Variants in ITIH5 observed in about 807,000 individuals in gnomAD.
The protein encoded by ITIH5 is inter-alpha-trypsin inhibitor heavy chain 5, also known as inter-alpha-trypsin inhibitor heavy chain H5.
A neutral mutation model predicts 77.5 loss-of-function variants in ITIH5; 65 were observed. The observed-to-expected ratio is 0.84, with a 90% CI of 0.69 to 1.03. The LOEUF is 1.03. ITIH5 is among the 50% of genes least tolerant of loss of function. The pLI is 0.00. For missense variants in ITIH5, 1,208 were observed against 1,213.1 expected (o/e 1.00, Z 0.06); for synonymous variants, 525 against 494.3 (o/e 1.06, Z -0.82).
At chr10:7,611,267 A>T (rs955200380) in intron 7 of ITIH5, among the ~76,000 whole-genome samples, 1 of 152,288 alleles carries the variant, frequency 6.6e-6, no homozygotes, top group Non-Finnish European at 1.5e-5. Flanking sequence ...TTTAAAGATT[A>T]AAGATTCTTG....
rs1182844323 is a variant in ITIH5 at position 7,563,339 on chromosome 10, C to A, written c.2573G>T (p.Gly858Val). ...AGGGTGAGTGAGGTTCTGGCTGGGC[C>A]CTGCAGGGTCTTCTGTGAGTCTGGC... ...QDARLTEDPA[G>V]PSQNLTHPLL... Residue 858 changes from glycine to valine, a missense_variant, in exon 14 of 14, where the codon GGG (glycine) becomes GTG (valine). Coordinates refer to ENST00000397146, the MANE Select transcript of ITIH5 (RefSeq NM_030569.7). The A allele has an allele frequency of 3.7e-6, 6 of 1,613,962 alleles. No homozygotes were observed. The highest frequency in any genetic ancestry group is 5.1e-6 in the Non-Finnish European group (6 of 1,179,964).
intron 13 of ITIH5, among the ~76,000 whole-genome samples, chr10:7,564,812 TACAC>T (rs956737809): frequency 4.6e-5 from 7 of 150,972 alleles, no homozygotes; most frequent in African/African-American, 1.5e-4. Context: ...TGTGTATATA[TACAC>T]ACACACACCA....
intron 5 of ITIH5, 71 bp downstream of exon 5, chr10:7,637,157 T>G (rs1833811041): frequency 6.5e-7 from 1 of 1,537,488 alleles, no homozygotes; most frequent in Non-Finnish European, 8.7e-7. Context: ...CTCTTGCAGA[T>G]TTCTCCGAAG....
chr10:7,627,509 A>C (rs1397024652), intron 5 of ITIH5, among the ~76,000 whole-genome samples: 1 of 152,118 alleles, frequency 6.6e-6, no homozygotes, highest in Admixed American at 6.5e-5. Context: ...CTTCCAAATA[A>C]AAGGTCATAA....
intron 7 of ITIH5, among the ~76,000 whole-genome samples, chr10:7,600,738 T>C (rs867964877): frequency 1.5e-4 from 23 of 152,178 alleles, no homozygotes; most frequent in South Asian, 4.1e-4. Flanking sequence ...TCCCAGGAGA[T>C]GGGGACTTTA....
Position 7,563,046 on chromosome 10 carries a change from TGTCCTTCATGCACTTGCATCTTTAA to T in ITIH5, c.*12_*36del. ...CTGCCCCACGGCCTCCCCACATCACTGTCCTTCATGCACTTGCATCTTTAAGGCTGCCAGCTTCAGAGCTCCCTGG... is the reference window on the plus strand; with the variant it reads ...CTGCCCCACGGCCTCCCCACATCACTGGCTGCCAGCTTCAGAGCTCCCTGG... On this transcript the variant is annotated 3_prime_UTR_variant, in exon 14 of 14. Transcript: ENST00000397146. 6.3e-7 allele frequency: 1 copy of T among 1,594,394 alleles called. No individual in the cohort carries two copies. The highest frequency in any genetic ancestry group is 8.6e-7 in the Non-Finnish European group (1 of 1,161,918).
rs1439043492 is a variant in ITIH5, at chr10:7,639,525, T to A, written c.401+1229A>T. Among the ~76,000 whole-genome samples the A allele has an allele frequency of 2.0e-5, 3 of 152,182 alleles. No individual in the cohort carries two copies. The East Asian group carries it at 5.8e-4, about 29-fold the overall frequency. On this transcript the variant is annotated intron_variant, in intron 4 of 13. Coordinates refer to ENST00000397146, the MANE Select transcript of ITIH5 (RefSeq NM_030569.7). ...ACTAATAAAATTTCCAACAGCAAAG[T>A]TTCTGGCAGTCTATAATTTTAGAGA...
chr10:7,572,297 G>A, intron 11 of ITIH5: 2 of 1,365,810 alleles, frequency 1.5e-6, no homozygotes, highest in Non-Finnish European at 2.0e-6. Flanking sequence ...CCCAGTCATA[G>A]GTTGTTCTTT....
intron 1 of ITIH5, among the ~76,000 whole-genome samples, chr10:7,662,955 T>C (rs187940733): frequency 6.6e-6 from 1 of 152,208 alleles, no homozygotes; most frequent in African/African-American, 2.4e-5. Context: ...TGAGAATTTG[T>C]AAGAAATTAA....
At chr10:7,587,080 T>C (rs1212325340) in intron 7 of ITIH5, among the ~76,000 whole-genome samples, 1 of 152,124 alleles carries the variant, frequency 6.6e-6, no homozygotes, top group Non-Finnish European at 1.5e-5. Flanking sequence ...TCCATCTGCC[T>C]CAGCCTCCCA....
At chr10:7,656,139 T>C (rs1046881262) in intron 1 of ITIH5, among the ~76,000 whole-genome samples, 1 of 152,218 alleles carries the variant, frequency 6.6e-6, no homozygotes, top group African/African-American at 2.4e-5. Flanking sequence ...TGAACTTATC[T>C]TGAATTTTCT....
intron 2 of ITIH5, among the ~76,000 whole-genome samples, chr10:7,644,351 TATATATCATATATATCACATATATATCAC>T (rs1833938051): frequency 8.2e-5 from 12 of 146,952 alleles, no homozygotes; most frequent in Admixed American, 7.5e-4. Context: ...ATATATCACA[TATATATCATATATATCACATATATATCAC>T]ATATATCACA....
At position 7,564,913 on chromosome 10, in the gene ITIH5, GTGTA is replaced by G. The variant is rs942967240; in HGVS notation, c.2527+1113_2527+1116del. Among the ~76,000 whole-genome samples the G allele has an allele frequency of 2.4e-3, 29 of 12,078 alleles. No individual in the cohort carries two copies. The South Asian group carries it at 0.12, about 49-fold the overall frequency. The allele number at this position is 12,078 out of a possible 152,430, so 7.9% of individuals were successfully genotyped here. On this transcript the variant is annotated intron_variant, in intron 13 of 13. Coordinates refer to ENST00000397146, the MANE Select transcript of ITIH5 (RefSeq NM_030569.7). ...ACATACATACATATACAGACTGTGT[GTGTA>G]TATATATATATATACACACACCATA...
chr10:7,637,355 G>A lies in ITIH5; in HGVS notation c.525C>T (p.Ser175=), dbSNP rs755556933. The change falls in exon 5 of 14, where the codon AGC becomes AGT. Residue 175 remains serine (S), a synonymous_variant. Transcript: ENST00000397146. The stretch of plus-strand genomic sequence containing the variant: ...TCCCGGACAGCTGCTGGGGCCGCAC[G>A]CTGATGCTGTGCTCGTACTTGCCCA... The part of the protein sequence containing the change: ...RRLGKYEHSI[S]VRPQQLSGRL... The A allele has an allele frequency of 1.2e-6, 2 of 1,614,162 alleles. No homozygotes were observed. Among genetic ancestry groups the A allele is most frequent in the Admixed American group, 1.7e-5 (1 of 60,032 alleles).
rs1372052033 is a variant in ITIH5 at position 7,585,848 on chromosome 10, A to T, written c.1108+53T>A. ...GGCAAAAAAAAAAAAAAACCAAAAA[A>T]AAAAACATTATTTCAAAGCCAAGCC... On this transcript the variant is annotated intron_variant, in intron 8 of 13. Coordinates refer to ENST00000397146, the MANE Select transcript of ITIH5 (RefSeq NM_030569.7). 5.4e-6 allele frequency: 8 copies of T among 1,494,188 alleles called. No homozygotes were observed. In the East Asian group the frequency reaches 1.9e-4, roughly 35 times the overall value. The allele number at this position is 1,494,188 out of a possible 1,614,324, so 92.6% of individuals were successfully genotyped here.
chr10:7,653,068 G>C (rs1263327424), intron 2 of ITIH5, among the ~76,000 whole-genome samples: 1 of 152,230 alleles, frequency 6.6e-6, no homozygotes, highest in East Asian at 1.9e-4. Flanking sequence ...CACTTCCTAA[G>C]TAAGAGATTG....
chr10:7,612,087 T>C (rs1833257858), intron 7 of ITIH5, among the ~76,000 whole-genome samples: 1 of 152,180 alleles, frequency 6.6e-6, no homozygotes, highest in Admixed American at 6.5e-5. Flanking sequence ...TGGTACTCTT[T>C]GCCCCAGTAA....
At chr10:7,646,325 A>G (rs2131093158) in intron 2 of ITIH5, among the ~76,000 whole-genome samples, 1 of 152,368 alleles carries the variant, frequency 6.6e-6, no homozygotes, top group South Asian at 2.1e-4. Context: ...ACTTCTAATT[A>G]TGCTGAATAT....
At chr10:7,618,255 C>T (rs1833407769) in intron 5 of ITIH5, 1 of 151,670 alleles carries the variant, frequency 6.6e-6, no homozygotes, top group Non-Finnish European at 1.5e-5. Context: ...AGGCGTGAGC[C>T]ACCATGCCCG....
Sources: allele counts gnomAD v4.1 joint callset (sites outside exome capture counted in the v4.1 genomes callset), GRCh38; gene constraint gnomAD v4.1.1; transcripts MANE v1.5; gene names NCBI Gene and HGNC (gene_info 2026-07-23, HGNC 2026-07-21).